The following PLPP1 variants were observed in gnomAD, a reference collection of about 807,000 sequenced individuals.
PLPP1 encodes the protein lipid phosphate phosphohydrolase 1a.
Under a neutral mutation model 31.2 loss-of-function variants are expected in PLPP1, and 24 were observed. That is an observed-to-expected ratio of 0.77 (90% CI 0.56 to 1.08). PLPP1 has a LOEUF of 1.08. PLPP1 is among the 50% of genes least tolerant of loss of function. The pLI is 0.00. For synonymous variants in PLPP1, 146 were observed against 126.3 expected (o/e 1.16, Z -1.05); for missense variants, 319 against 342.7 (o/e 0.93, Z 0.55).
chr5:55,434,593 A>G (rs965536201), intron 4 of PLPP1, among the ~76,000 whole-genome samples: 2 of 152,154 alleles, frequency 1.3e-5, no homozygotes, highest in Non-Finnish European at 1.5e-5. Flanking sequence ...TCAGCAACCA[A>G]TGAAACAGAA....
chr5:55,457,432 G>A (rs1159725404), intron 3 of PLPP1, among the ~76,000 whole-genome samples: 1 of 152,080 alleles, frequency 6.6e-6, no homozygotes, highest in Non-Finnish European at 1.5e-5. Flanking sequence ...AGTATGACAT[G>A]TATATATCAC....
At chr5:55,532,632 AGTCCC>A (rs1740711305) in intron 1 of PLPP1, among the ~76,000 whole-genome samples, 1 of 152,202 alleles carries the variant, frequency 6.6e-6, no homozygotes, top group African/African-American at 2.4e-5. Context: ...ATTATTAATA[AGTCCC>A]GACATCTGAA....
In PLPP1 at chr5:55,506,263, T is replaced by TAAAAAAAAAAA. The variant is rs201809819; in HGVS notation, c.58+28298_58+28308dup. Among the ~76,000 whole-genome samples the TAAAAAAAAAAA allele has an allele frequency of 2.3e-5, 3 of 128,548 alleles. 1 individual carries two copies. Among genetic ancestry groups the TAAAAAAAAAAA allele is most frequent in the Non-Finnish European group, 3.2e-5 (2 of 61,704 alleles). 84.3% of individuals were successfully genotyped at this position (128,548 alleles called of 152,430 possible). On this transcript the variant is annotated intron_variant, in intron 1 of 5. Coordinates refer to ENST00000307259, the MANE Select transcript of PLPP1 (RefSeq NM_003711.4). ...AGAAGACACAAATACAGCAAATTAC[T>TAAAAAAAAAAA]AAAAAAAAAAAAAAAAGGCACTAAT...
chr5:55,448,052 A>T (rs1167751905), intron 3 of PLPP1, among the ~76,000 whole-genome samples: 2 of 152,196 alleles, frequency 1.3e-5, no homozygotes, highest in African/African-American at 4.8e-5. Flanking sequence ...TGATCCTATA[A>T]AAAAGTTAAA....
chr5:55,501,522 G>A (rs1320438686), intron 1 of PLPP1, among the ~76,000 whole-genome samples: 1 of 151,880 alleles, frequency 6.6e-6, no homozygotes, highest in African/African-American at 2.4e-5. Context: ...TTTATTTTTT[G>A]AGACAGAGTT....
At chr5:55,428,390 T>C (rs1225045632) in intron 4 of PLPP1, among the ~76,000 whole-genome samples, 1 of 152,178 alleles carries the variant, frequency 6.6e-6, no homozygotes, top group Non-Finnish European at 1.5e-5. Flanking sequence ...TCTGTAGAGC[T>C]CAAGAAAGTG....
At chr5:55,472,804 A>G (rs1050821086) in intron 2 of PLPP1, among the ~76,000 whole-genome samples, 1 of 152,020 alleles carries the variant, frequency 6.6e-6, no homozygotes, top group East Asian at 1.9e-4. Context: ...AAGAAATAGA[A>G]AAGAATTTCA....
intron 4 of PLPP1, among the ~76,000 whole-genome samples, chr5:55,429,751 C>G (rs1179107502): frequency 6.6e-6 from 1 of 152,192 alleles, no homozygotes; most frequent in Middle Eastern, 3.4e-3. Flanking sequence ...TGGGTGCTGC[C>G]GCAGGGCCAA....
In PLPP1 at chr5:55,475,338, C is replaced by T. The variant is rs150488241; in HGVS notation, c.171G>A (p.Ala57=). The T allele has an allele frequency of 5.3e-3, 8,605 of 1,611,760 alleles. 33 individuals carry two copies. The highest frequency in any genetic ancestry group is 6.7e-3 in the Non-Finnish European group (7,860 of 1,178,482). The change falls in exon 2 of 6, where the codon GCG becomes GCA. Residue 57 remains alanine (A), a synonymous_variant. Transcript: ENST00000307259. The part of the protein sequence containing the change: ...YPYKEDTIPY[A]LLGGIIIPFS... ...ATGGAATGATTATTCCACCTAATAA[C>T]GCATAAGGTATGGTGTCTTCTTTGT...
At chr5:55,428,123 A>AAAT (rs1341959911) in intron 4 of PLPP1, among the ~76,000 whole-genome samples, 3 of 152,154 alleles carry the variant, frequency 2.0e-5, no homozygotes, top group Non-Finnish European at 4.4e-5. Context: ...TTCCCCCTAT[A>AAAT]AATAGCTGTT....
At chr5:55,532,052 AC>A (rs945891313) in intron 1 of PLPP1, among the ~76,000 whole-genome samples, 1 of 152,220 alleles carries the variant, frequency 6.6e-6, no homozygotes, top group African/African-American at 2.4e-5. Flanking sequence ...CACCAAAAAC[AC>A]AATTTTATCT....
chr5:55,480,511 C>G (rs1011292497), intron 1 of PLPP1, among the ~76,000 whole-genome samples: 2 of 151,204 alleles, frequency 1.3e-5, no homozygotes, highest in African/African-American at 4.9e-5. Flanking sequence ...ACAAATTTGC[C>G]TTTTCTAGAC....
intron 3 of PLPP1, among the ~76,000 whole-genome samples, chr5:55,443,236 T>C (rs757817218): frequency 1.6e-4 from 20 of 121,512 alleles, no homozygotes; most frequent in African/African-American, 3.9e-4. Flanking sequence ...CACACACACA[T>C]ATATATGATT....
chr5:55,442,850 G>A lies in PLPP1; in HGVS notation c.492-942C>T, dbSNP rs111854345. 5.1e-3 allele frequency among the ~76,000 whole-genome samples: 770 copies of A among 152,076 alleles called. 3 individuals are homozygous for A. The highest frequency in any genetic ancestry group is 0.018 in the African/African-American group (742 of 41,468). On this transcript the variant is annotated intron_variant, in intron 3 of 5. Coordinates refer to ENST00000307259, the MANE Select transcript of PLPP1 (RefSeq NM_003711.4). ...AAAGAAAAATAGAGCTAACATTAAA[G>A]ATCTAAGATTTGCTTATACAGAATG...
Position 55,443,190 on chromosome 5 carries a change from A to ATAT in PLPP1, c.492-1283_492-1282insATA, listed in dbSNP as rs1458750100. Among the ~76,000 whole-genome samples the ATAT allele has an allele frequency of 1.5e-3, 30 of 20,432 alleles. 1 individual carries two copies. Among genetic ancestry groups the ATAT allele is most frequent in the Non-Finnish European group, 4.2e-4 (3 of 7,226 alleles). 13.4% of individuals were successfully genotyped at this position (20,432 alleles called of 152,430 possible). On this transcript the variant is annotated intron_variant, in intron 3 of 5. Transcript: ENST00000307259. Reference sequence around the variant, plus strand: ...GAAAGGATTACTTAAAAAAAAAAAAAAAATATATATATATATATATATACA... The same window carrying ATAT: ...GAAAGGATTACTTAAAAAAAAAAAAATATAAATATATATATATATATATATACA...
At chr5:55,480,101 G>C (rs1359022852) in intron 1 of PLPP1, among the ~76,000 whole-genome samples, 1 of 152,128 alleles carries the variant, frequency 6.6e-6, no homozygotes, top group Non-Finnish European at 1.5e-5. Flanking sequence ...GACATTTACT[G>C]AAGATTAAGG....
chr5:55,450,047 A>G (rs1751859764), intron 3 of PLPP1, among the ~76,000 whole-genome samples: 1 of 152,172 alleles, frequency 6.6e-6, no homozygotes, highest in Non-Finnish European at 1.5e-5. Context: ...GCAGCAAAAA[A>G]TCCTGTCATA....
intron 1 of PLPP1, among the ~76,000 whole-genome samples, chr5:55,477,540 C>A (rs1208638724): frequency 6.6e-6 from 1 of 151,704 alleles, no homozygotes; most frequent in Non-Finnish European, 1.5e-5. Flanking sequence ...ACTACAGGCA[C>A]CCACCACCAC....
At position 55,491,316 on chromosome 5, in the gene PLPP1, T is replaced by C. The variant is rs111888624; in HGVS notation, c.59-15866A>G. Among the ~76,000 whole-genome samples the C allele has an allele frequency of 5.9e-3, 894 of 152,236 alleles. 9 individuals carry two copies. The highest frequency in any genetic ancestry group is 0.021 in the African/African-American group (861 of 41,528). On this transcript the variant is annotated intron_variant, in intron 1 of 5. Transcript: ENST00000307259. ...TATCAGCCCCACCTTTTTCCAAGTA[T>C]AAATACTATTACTTGCATTGACCTC...
Sources: allele counts gnomAD v4.1 joint callset (sites outside exome capture counted in the v4.1 genomes callset), GRCh38; gene constraint gnomAD v4.1.1; transcripts MANE v1.5; gene names NCBI Gene and HGNC (gene_info 2026-07-23, HGNC 2026-07-21).